Variants in ICA1 observed in about 807,000 individuals in gnomAD.
ICA1 encodes the protein 69 kDa islet cell autoantigen.
Under a neutral mutation model 71.0 loss-of-function variants are expected in ICA1, and 40 were observed. The observed-to-expected ratio is 0.56, with a 90% CI of 0.44 to 0.73. ICA1 has a LOEUF of 0.73. Ranked by LOEUF, ICA1 falls within the 30% of genes least tolerant of loss-of-function variation. The probability of loss-of-function intolerance (pLI) is 0.00; values close to 1 mark genes in which losing one functional copy is unlikely to be tolerated. For synonymous variants in ICA1, 207 were observed against 209.5 expected (o/e 0.99, Z 0.10); for missense variants, 578 against 576.5 (o/e 1.00, Z -0.03).
chr7:8,165,102 C>A (rs951547299), intron 6 of ICA1, among the ~76,000 whole-genome samples: 1 of 152,002 alleles, frequency 6.6e-6, no homozygotes, highest in Non-Finnish European at 1.5e-5. Flanking sequence ...AACAAACACC[C>A]CAAAACAGAA....
intron 9 of ICA1, 131 bp from the exon 10 acceptor site, chr7:8,141,948 G>A (rs17847173): frequency 0.013 from 18,661 of 1,456,254 alleles, 604 homozygotes; most frequent in South Asian, 0.095. Context: ...CACGAAGAAG[G>A]GTCAACATAT....
At position 8,223,434 on chromosome 7, in the gene ICA1, G is replaced by A. The variant is rs1342642332; in HGVS notation, c.257-2036C>T. The A allele has an allele frequency of 1.3e-5, 2 of 154,460 alleles. No homozygotes were observed. The highest frequency in any genetic ancestry group is 2.4e-5 in the African/African-American group (1 of 41,484). 9.6% of individuals were successfully genotyped at this position (154,460 alleles called of 1,614,324 possible). A position where few individuals can be genotyped will look rare whatever the true frequency, so the allele number is the denominator to read the frequency against. On this transcript the variant is annotated intron_variant, in intron 4 of 13. Transcript: ENST00000402384. This position sits in a 1 kb window ranked among gnomAD's most constrained non-coding sequence, Gnocchi z 4.1. ...TTAGGCACTTGTGGATCAACTTGGG[G>A]CAGCAAACAGGTTTCATTTTAGGTG...
chr7:8,157,808 C>T (rs1333117166), intron 7 of ICA1: 4 of 151,920 alleles, frequency 2.6e-5, no homozygotes, highest in Non-Finnish European at 5.9e-5. Context: ...CTGCCTCAGC[C>T]TCCCAAGTAG....
rs186285592 is a variant in ICA1 at position 8,118,307 on chromosome 7, C to A, written c.1331-4263G>T. 4.3e-3 allele frequency among the ~76,000 whole-genome samples: 653 copies of A among 152,264 alleles called. 4 individuals are homozygous for A. Among genetic ancestry groups the A allele is most frequent in the African/African-American group, 0.015 (610 of 41,546 alleles). ...AAGAGTTCTAAAAGGCATTGTTATT[C>A]ATTGGAAAGGTGTTTGAACATATAC... On this transcript the variant is annotated intron_variant, in intron 13 of 13. Transcript: ENST00000402384.
intron 13 of ICA1, among the ~76,000 whole-genome samples, chr7:8,122,578 A>G (rs567513613): frequency 6.6e-6 from 1 of 152,254 alleles, no homozygotes; most frequent in Non-Finnish European, 1.5e-5. Flanking sequence ...CATTCAAACT[A>G]TAAATACACC....
chr7:8,200,006 G>T (rs1225286526), intron 6 of ICA1, among the ~76,000 whole-genome samples: 5 of 151,950 alleles, frequency 3.3e-5, no homozygotes, highest in Non-Finnish European at 7.4e-5. Flanking sequence ...GCACAACAGG[G>T]GGACTACAGT....
At chr7:8,219,996 T>C in intron 5 of ICA1, among the ~76,000 whole-genome samples, 1 of 152,230 alleles carries the variant, frequency 6.6e-6, no homozygotes, top group East Asian at 1.9e-4. Context: ...GCACAGAAAG[T>C]ATCTATTAAG....
chr7:8,200,338 C>CAAAAAAAAAAAAA (rs34371233), intron 6 of ICA1, among the ~76,000 whole-genome samples: 3 of 67,950 alleles, frequency 4.4e-5, no homozygotes, highest in Non-Finnish European at 7.7e-5. Flanking sequence ...CACAGTTGAG[C>CAAAAAAAAAAAAA]AAAAAAAAAA....
Position 8,223,565 on chromosome 7 carries a change from A to C in ICA1, c.257-2167T>G, listed in dbSNP as rs1797729668. 1 of 154,520 alleles carries C rather than the reference A, an allele frequency of 6.5e-6. No homozygotes were observed. The highest frequency in any genetic ancestry group is 2.4e-5 in the African/African-American group (1 of 41,498). 9.6% of individuals were successfully genotyped at this position (154,520 alleles called of 1,614,324 possible). A position where few individuals can be genotyped will look rare whatever the true frequency, so the allele number is the denominator to read the frequency against. ...TCTGAGAAGGGATGGTCATTCTTTA[A>C]TTTTAAAAATTCAAATACTGAAATT... On this transcript the variant is annotated intron_variant, in intron 4 of 13. Transcript: ENST00000402384. The surrounding 1 kb of genome is among the most constrained non-coding windows in gnomAD (Gnocchi z 4.1).
At position 8,144,358 on chromosome 7, in the gene ICA1, G is replaced by GT. The variant is rs1796199246; in HGVS notation, c.805-387dup. Reference sequence around the variant, plus strand: ...TGTTCGCAGCCCACACACTGACAAAGTAGAAGTTCCTCCCACCTCCACCAG... The same window carrying GT: ...TGTTCGCAGCCCACACACTGACAAAGTTAGAAGTTCCTCCCACCTCCACCAG... On this transcript the variant is annotated intron_variant, in intron 8 of 13. Coordinates refer to ENST00000402384, the MANE Select transcript of ICA1 (RefSeq NM_001136020.3). This position sits in a 1 kb window ranked among gnomAD's most constrained non-coding sequence, Gnocchi z 4.5. Among the ~76,000 whole-genome samples, 1 of 152,198 alleles carries GT rather than the reference G, an allele frequency of 6.6e-6. No individual in the cohort carries two copies. The highest frequency in any genetic ancestry group is 1.5e-5 in the Non-Finnish European group (1 of 68,030).
Position 8,187,991 on chromosome 7 carries a change from G to A in ICA1, c.580-29339C>T, listed in dbSNP as rs369288498. ...AACCTGCCTGAGATTATACTGCTAC[G>A]AAGTGGGGAAGCCACAGTTTGAACC... On this transcript the variant is annotated intron_variant, in intron 6 of 13. Transcript: ENST00000402384. 7.2e-5 allele frequency among the ~76,000 whole-genome samples: 11 copies of A among 152,254 alleles called. No homozygotes were observed. In the East Asian group the frequency reaches 9.6e-4, roughly 13 times the overall value.
intron 6 of ICA1, among the ~76,000 whole-genome samples, chr7:8,189,132 A>C (rs1316856368): frequency 6.6e-6 from 1 of 152,128 alleles, no homozygotes; most frequent in East Asian, 1.9e-4. Flanking sequence ...CATTCACTTA[A>C]AGATCTGTCT....
At chr7:8,131,542 A>G (rs1791443175) in intron 12 of ICA1, among the ~76,000 whole-genome samples, 1 of 152,204 alleles carries the variant, frequency 6.6e-6, no homozygotes, top group South Asian at 2.1e-4. Context: ...ATTATTCAAC[A>G]GCTAACAGGC....
chr7:8,148,037 G>C lies in ICA1; in HGVS notation c.805-4065C>G, dbSNP rs187032897. ...GTGGGGGTGTGTGTCGGTGCGACCT[G>C]CTACGGGGTGGCATCCTGTCTAGGA... On this transcript the variant is annotated intron_variant, in intron 8 of 13. Transcript: ENST00000402384. Among the ~76,000 whole-genome samples the C allele has an allele frequency of 3.3e-5, 5 of 152,236 alleles. No individual in the cohort carries two copies. The East Asian group carries it at 9.7e-4, about 29-fold the overall frequency.
chr7:8,220,213 T>A (rs762917130), intron 5 of ICA1, among the ~76,000 whole-genome samples: 1 of 152,214 alleles, frequency 6.6e-6, no homozygotes, highest in South Asian at 2.1e-4. Flanking sequence ...AATGGTTTCA[T>A]TCAAGCATAA....
intron 12 of ICA1, among the ~76,000 whole-genome samples, chr7:8,134,083 C>G (rs1036007638): frequency 1.3e-5 from 2 of 152,060 alleles, no homozygotes; most frequent in African/African-American, 2.4e-5. Context: ...AATATTTAAG[C>G]TTTTGTAAAG....
At chr7:8,171,787 C>T (rs1808459066) in intron 6 of ICA1, among the ~76,000 whole-genome samples, 1 of 151,882 alleles carries the variant, frequency 6.6e-6, no homozygotes, top group African/African-American at 2.4e-5. Flanking sequence ...GTATCCCACA[C>T]ATTTTGATAT....
intron 5 of ICA1, chr7:8,218,998 T>A (rs1796226674): frequency 5.2e-6 from 1 of 193,698 alleles, no homozygotes; most frequent in Non-Finnish European, 1.1e-5. Context: ...GCAGAAGCAT[T>A]TTGAAATGGT....
intron 6 of ICA1, among the ~76,000 whole-genome samples, chr7:8,203,311 C>G (rs551497914): frequency 6.6e-6 from 1 of 152,148 alleles, no homozygotes; most frequent in East Asian, 1.9e-4. Flanking sequence ...AGTGACTTTT[C>G]CATGTAGGTA....
Sources: gnomAD v4.1 joint callset for allele counts (sites outside exome capture counted in the v4.1 genomes callset) on GRCh38, gnomAD v4.1.1 for gene constraint, Gnocchi (gnomAD v3.1) non-coding constraint, MANE v1.5 for transcripts, NCBI Gene and HGNC (gene_info 2026-07-23, HGNC 2026-07-21) for gene names.